Variants in ZEB1 observed in about 807,000 individuals in gnomAD.
ZEB1 encodes zinc finger E-box binding homeobox 1, also known as zinc finger E-box-binding homeobox 1.
In ZEB1, 21 loss-of-function variants were observed where a neutral mutation model predicts 84.9. That is an observed-to-expected ratio of 0.25 (90% confidence interval 0.18 to 0.36). The LOEUF is 0.36. Among genes scored for constraint, ZEB1 ranks in the 10% least tolerant of loss-of-function variants. The pLI is 1.00. For missense variants in ZEB1, 1,104 were observed against 1,330.2 expected (o/e 0.83, Z 2.65); for synonymous variants, 420 against 471.1 (o/e 0.89, Z 1.41).
At chr10:31,499,442 C>A (rs2067774661) in intron 3 of ZEB1, among the ~76,000 whole-genome samples, 1 of 152,108 alleles carries the variant, frequency 6.6e-6, no homozygotes, top group South Asian at 2.1e-4. Flanking sequence ...AATAACCTAC[C>A]CAGCAAAGCC....
chr10:31,378,153 C>G (rs1014235369), intron 1 of ZEB1, among the ~76,000 whole-genome samples: 11 of 151,304 alleles, frequency 7.3e-5, no homozygotes, highest in African/African-American at 2.7e-4. Context: ...ACCAAATGTT[C>G]TCACTGAATC....
intron 1 of ZEB1, among the ~76,000 whole-genome samples, chr10:31,329,837 G>A (rs1225911687): frequency 6.6e-6 from 1 of 152,054 alleles, no homozygotes; most frequent in African/African-American, 2.4e-5. Context: ...TTGGCCACTT[G>A]TATATTTTCC....
At chr10:31,464,722 G>T (rs2062191572) in intron 2 of ZEB1, among the ~76,000 whole-genome samples, 1 of 152,188 alleles carries the variant, frequency 6.6e-6, no homozygotes, top group South Asian at 2.1e-4. Context: ...AAAGTGGGAT[G>T]ATATATTCAA....
chr10:31,407,627 G>A (rs1187016544), intron 1 of ZEB1, among the ~76,000 whole-genome samples: 2 of 151,714 alleles, frequency 1.3e-5, no homozygotes, highest in South Asian at 2.1e-4. Context: ...GGGATGGCTG[G>A]GTCAAAGACA....
intron 1 of ZEB1, 27 bp downstream of exon 1, chr10:31,319,319 G>A: frequency 1.3e-6 from 2 of 1,598,988 alleles, no homozygotes; most frequent in Middle Eastern, 1.8e-4. Context: ...ACCGGGGAGC[G>A]GCGGAGTCAG....
intron 1 of ZEB1, among the ~76,000 whole-genome samples, chr10:31,344,078 C>T (rs2039870430): frequency 6.6e-6 from 1 of 151,928 alleles, no homozygotes. Flanking sequence ...TCACTGGATC[C>T]TGGTGATATC....
At chr10:31,448,247 T>C (rs2060052037) in intron 1 of ZEB1, among the ~76,000 whole-genome samples, 1 of 127,744 alleles carries the variant, frequency 7.8e-6, no homozygotes, top group Admixed American at 7.8e-5. Context: ...TTCTCGAGCC[T>C]TGGTTTTCAG....
rs1194974092 is a variant in ZEB1, at chr10:31,514,625, G to A, written c.710G>A (p.Cys237Tyr). ...RDQRHVTQSG[C>Y]NRKFKCTECG... The stretch of plus-strand genomic sequence containing the variant: ...CAGAGACATGTGACGCAGTCTGGGT[G>A]TAATCGTAAATTCAAATGCACTGAG... The change falls in exon 6 of 9, where the codon TGT (cysteine) becomes TAT (tyrosine). Residue 237 changes from cysteine to tyrosine, a missense_variant. Physicochemically the swap from Cys to Tyr is radical, Grantham distance 194. Around this residue, in one of 7 missense-constraint regions of ZEB1, gnomAD observed 71 missense variants for 119.1 expected, o/e 0.60. Coordinates refer to ENST00000424869, the MANE Select transcript of ZEB1 (RefSeq NM_001174096.2). 7 of 1,612,594 alleles carry A rather than the reference G, an allele frequency of 4.3e-6. No homozygotes were observed. The Admixed American group carries it at 6.7e-5, about 15-fold the overall frequency.
intron 2 of ZEB1, among the ~76,000 whole-genome samples, chr10:31,475,835 C>T (rs1001773205): frequency 6.6e-6 from 1 of 151,992 alleles, no homozygotes; most frequent in Non-Finnish European, 1.5e-5. Flanking sequence ...ATATAAAGCA[C>T]AGGTAAGTAG....
At chr10:31,343,351 C>T (rs956424921) in intron 1 of ZEB1, among the ~76,000 whole-genome samples, 1 of 152,044 alleles carries the variant, frequency 6.6e-6, no homozygotes, top group Admixed American at 6.6e-5. Flanking sequence ...TTCTTTTCAT[C>T]TATTTCCATA....
chr10:31,505,369 G>A (rs758730912), intron 4 of ZEB1, among the ~76,000 whole-genome samples: 8 of 152,168 alleles, frequency 5.3e-5, no homozygotes, highest in Non-Finnish European at 8.8e-5. Context: ...ACTAGTGTTA[G>A]CTCTTCTTTG....
At chr10:31,421,936 C>T (rs1019173061) in intron 1 of ZEB1, among the ~76,000 whole-genome samples, 2 of 152,048 alleles carry the variant, frequency 1.3e-5, no homozygotes, top group Admixed American at 6.6e-5. Flanking sequence ...TATTCCCCCC[C>T]TCCCCGCTGA....
At chr10:31,372,040 T>C (rs2045807579) in intron 1 of ZEB1, among the ~76,000 whole-genome samples, 1 of 152,094 alleles carries the variant, frequency 6.6e-6, no homozygotes, top group South Asian at 2.1e-4. Flanking sequence ...AGAGAAGGAT[T>C]GCACATAGAA....
rs185954428 is a variant in ZEB1, at chr10:31,323,164, A to G, written c.58+3872A>G. Among the ~76,000 whole-genome samples, 199 of 152,256 alleles carry G rather than the reference A, an allele frequency of 1.3e-3. 1 individual carries two copies. Among genetic ancestry groups the G allele is most frequent in the African/African-American group, 4.4e-3 (182 of 41,564 alleles). Reference sequence around the variant, plus strand: ...CAGTTGTATTACTCCTTATTTTAAAAAGATTTTGTTTTATGTTCTTAGGTT... The same window carrying G: ...CAGTTGTATTACTCCTTATTTTAAAGAGATTTTGTTTTATGTTCTTAGGTT... On this transcript the variant is annotated intron_variant, in intron 1 of 8. Transcript: ENST00000424869.
chr10:31,509,139 T>C (rs1473145976), intron 4 of ZEB1, among the ~76,000 whole-genome samples: 1 of 152,116 alleles, frequency 6.6e-6, no homozygotes, highest in East Asian at 1.9e-4. Flanking sequence ...ATGTAGTCTG[T>C]TGGGGGTTGG....
chr10:31,388,975 C>T (rs1360659257), intron 1 of ZEB1, among the ~76,000 whole-genome samples: 1 of 152,020 alleles, frequency 6.6e-6, no homozygotes, highest in African/African-American at 2.4e-5. Context: ...TAAACATACA[C>T]CTTTTTTAAA....
Position 31,445,580 on chromosome 10 carries a change from A to G in ZEB1, c.59-15457A>G, listed in dbSNP as rs1375945210. Among the ~76,000 whole-genome samples, 285 of 152,196 alleles carry G rather than the reference A, an allele frequency of 1.9e-3. 2 individuals are homozygous for G. Among genetic ancestry groups the G allele is most frequent in the African/African-American group, 5.2e-3 (216 of 41,486 alleles). ...TCATAGATAGCTCTTATTATTTTGA[A>G]GTACGTCCCATTAATACCTAATTTA... On this transcript the variant is annotated intron_variant, in intron 1 of 8. Transcript: ENST00000424869.
At chr10:31,482,779 A>G (rs989839652) in intron 2 of ZEB1, among the ~76,000 whole-genome samples, 4 of 152,050 alleles carry the variant, frequency 2.6e-5, no homozygotes, top group Non-Finnish European at 5.9e-5. Flanking sequence ...TTTCAAAAAT[A>G]TTTTAATAAG....
intron 1 of ZEB1, among the ~76,000 whole-genome samples, chr10:31,407,770 A>G (rs1214831651): frequency 1.3e-5 from 2 of 151,530 alleles, no homozygotes; most frequent in African/African-American, 2.4e-5. Context: ...ATCTATGACA[A>G]ACCCACAGCC....
Sources: allele counts gnomAD v4.1 joint callset (sites outside exome capture counted in the v4.1 genomes callset), GRCh38; gene constraint gnomAD v4.1.1; regional missense constraint gnomAD v4.1.1; transcripts MANE v1.5; gene names NCBI Gene and HGNC (gene_info 2026-07-23, HGNC 2026-07-21).